Variants in PDE10A observed in about 807,000 individuals in gnomAD.
The protein encoded by PDE10A is phosphodiesterase 10A, also known as cAMP and cAMP-inhibited cGMP 3',5'-cyclic phosphodiesterase 10A.
PDE10A carries 39 observed loss-of-function variants against 97.7 expected under a neutral mutation model. The ratio of observed to expected loss-of-function variants is 0.40; its 90% CI spans 0.31 to 0.52. PDE10A has a LOEUF of 0.52. PDE10A is among the 20% of genes least tolerant of loss of function. The probability of loss-of-function intolerance (pLI) is 0.56; values close to 1 mark genes in which losing one functional copy is unlikely to be tolerated. For missense variants in PDE10A, 731 were observed against 1,047.8 expected (o/e 0.70, Z 4.17); for synonymous variants, 371 against 376.8 (o/e 0.98, Z 0.18).
At chr6:165,713,871 G>A (rs1434524431) in intron 1 of PDE10A, among the ~76,000 whole-genome samples, 1 of 152,190 alleles carries the variant, frequency 6.6e-6, no homozygotes, top group Non-Finnish European at 1.5e-5. Context: ...TAAGTCCTAT[G>A]TATAGCAATT....
At chr6:165,585,305 T>C (rs1785843474) in intron 1 of PDE10A, among the ~76,000 whole-genome samples, 1 of 152,076 alleles carries the variant, frequency 6.6e-6, no homozygotes, top group Non-Finnish European at 1.5e-5. Context: ...TTACAGGGGG[T>C]GATGGCCAGT....
chr6:165,351,667 T>C (rs575296914), intron 18 of PDE10A, among the ~76,000 whole-genome samples: 2 of 152,288 alleles, frequency 1.3e-5, no homozygotes, highest in African/African-American at 2.4e-5. Flanking sequence ...CATTCCATCA[T>C]TGCAACAAGG....
At chr6:165,659,413 C>T (rs1257315402) in intron 1 of PDE10A, among the ~76,000 whole-genome samples, 1 of 152,120 alleles carries the variant, frequency 6.6e-6, no homozygotes, top group Non-Finnish European at 1.5e-5. Context: ...AAAAATCTGT[C>T]AAACTTCAGT....
At chr6:165,528,621 C>A (rs891826148) in intron 2 of PDE10A, among the ~76,000 whole-genome samples, 4 of 152,184 alleles carry the variant, frequency 2.6e-5, no homozygotes, top group Non-Finnish European at 4.4e-5. Flanking sequence ...ATGCTTCTGC[C>A]AAGACTACTG....
intron 1 of PDE10A, chr6:165,986,279 G>A (rs1785206799): frequency 6.5e-6 from 1 of 153,560 alleles, no homozygotes; most frequent in South Asian, 2.1e-4. Context: ...CCCTCGGAGA[G>A]GAGAGTGAAG....
At chr6:165,454,977 A>G (rs1777863124) in intron 3 of PDE10A, among the ~76,000 whole-genome samples, 1 of 152,130 alleles carries the variant, frequency 6.6e-6, no homozygotes, top group African/African-American at 2.4e-5. Context: ...GTCCCCTTGG[A>G]GAAGAATCCT....
intron 1 of PDE10A, among the ~76,000 whole-genome samples, chr6:165,779,954 T>C (rs1365301236): frequency 6.6e-6 from 1 of 152,212 alleles, no homozygotes; most frequent in Non-Finnish European, 1.5e-5. Flanking sequence ...GGAGAGCATC[T>C]ATTGAGTGCC....
intron 1 of PDE10A, among the ~76,000 whole-genome samples, chr6:165,776,755 C>T (rs951002955): frequency 1.3e-5 from 2 of 152,108 alleles, no homozygotes; most frequent in Non-Finnish European, 2.9e-5. Flanking sequence ...GGTCCTTGAC[C>T]CTTGAGAAGC....
At chr6:165,758,592 AAG>A (rs1197923498) in intron 1 of PDE10A, among the ~76,000 whole-genome samples, 31 of 151,924 alleles carry the variant, frequency 2.0e-4, no homozygotes, top group Admixed American at 6.5e-5. Flanking sequence ...GAAGAAGAAA[AAG>A]AGGCAGCAGC....
chr6:165,866,727 A>C (rs1781064703), intron 1 of PDE10A, among the ~76,000 whole-genome samples: 1 of 151,890 alleles, frequency 6.6e-6, no homozygotes. Flanking sequence ...TCTCCATTGG[A>C]ATAATAGCAG....
At chr6:165,517,042 C>A (rs979281998) in intron 2 of PDE10A, among the ~76,000 whole-genome samples, 1 of 152,108 alleles carries the variant, frequency 6.6e-6, no homozygotes. Flanking sequence ...AAACACATTA[C>A]AGTGCTTCTG....
At chr6:165,832,733 A>G (rs1779958499) in intron 1 of PDE10A, among the ~76,000 whole-genome samples, 1 of 152,234 alleles carries the variant, frequency 6.6e-6, no homozygotes, top group Non-Finnish European at 1.5e-5. Flanking sequence ...TGATACACTT[A>G]ATTCTGGTTA....
rs1228636380 is a variant in PDE10A at position 165,981,055 on chromosome 6, C to G, written c.-615+6474G>C. 2.0e-5 allele frequency among the ~76,000 whole-genome samples: 3 copies of G among 152,082 alleles called. No homozygotes were observed. In the East Asian group the frequency reaches 5.8e-4, roughly 29 times the overall value. On this transcript the variant is annotated intron_variant, in intron 1 of 19. Coordinates refer to the PDE10A transcript ENST00000366882. ...CTCTGTTTATTTGAAATTCTGTTTT[C>G]CCCTGGAGTGGAGGGTCAGGTGCAT...
rs1358982901 is a variant in PDE10A, at chr6:165,919,301, G to A, written c.-615+68228C>T. Among the ~76,000 whole-genome samples, 4 of 152,108 alleles carry A rather than the reference G, an allele frequency of 2.6e-5. No homozygotes were observed. The East Asian group carries it at 7.7e-4, about 29-fold the overall frequency. Reference sequence around the variant, plus strand: ...AGGGCGCTCTGTGTGACCTCACTGGGCCCACCACATGGGGACTGGGTATGA... The same window carrying A: ...AGGGCGCTCTGTGTGACCTCACTGGACCCACCACATGGGGACTGGGTATGA... On this transcript the variant is annotated intron_variant, in intron 1 of 19. Coordinates refer to the PDE10A transcript ENST00000366882.
chr6:165,963,641 A>G (rs1049243543), intron 1 of PDE10A, among the ~76,000 whole-genome samples: 1 of 152,222 alleles, frequency 6.6e-6, no homozygotes, highest in Non-Finnish European at 1.5e-5. Flanking sequence ...AAAAGGGCCC[A>G]GAGAGGGTGG....
intron 1 of PDE10A, among the ~76,000 whole-genome samples, chr6:165,961,518 GA>G (rs902540184): frequency 1.3e-5 from 2 of 152,216 alleles, no homozygotes; most frequent in African/African-American, 4.8e-5. Context: ...CCCACGAGAT[GA>G]AAATGCTTTA....
upstream of PDE10A, among the ~76,000 whole-genome samples, chr6:165,668,192 G>T (rs569905407): frequency 1.3e-5 from 2 of 152,202 alleles, no homozygotes; most frequent in Non-Finnish European, 2.9e-5. Context: ...GAGAACTAAA[G>T]TCTGGTTTAA....
intron 8 of PDE10A, among the ~76,000 whole-genome samples, chr6:165,431,106 G>A (rs895128634): frequency 2.0e-5 from 3 of 152,020 alleles, no homozygotes; most frequent in Non-Finnish European, 4.4e-5. Flanking sequence ...ACTCCAGTAG[G>A]AGATTGTTCC....
rs2128172592 is a variant in PDE10A, at chr6:165,332,878, T to C, written c.*147A>G. On this transcript the variant is annotated 3_prime_UTR_variant, in exon 22 of 22. Transcript: ENST00000539869. ...TTGGCAGGAAGTCCTCTGCTTGACTTATTTATTTGATGTTACCTTCTTGAA... is the reference window on the plus strand; with the variant it reads ...TTGGCAGGAAGTCCTCTGCTTGACTCATTTATTTGATGTTACCTTCTTGAA... 1.6e-6 allele frequency: 1 copy of C among 634,734 alleles called. No individual in the cohort carries two copies. The allele number at this position is 634,734 out of a possible 1,614,324, so 39.3% of individuals were successfully genotyped here.
Sources: gnomAD v4.1 joint callset for allele counts (sites outside exome capture counted in the v4.1 genomes callset) on GRCh38, gnomAD v4.1.1 for gene constraint, MANE v1.5 for transcripts, NCBI Gene and HGNC (gene_info 2026-07-23, HGNC 2026-07-21) for gene names.